Variants in UROS observed in about 807,000 individuals in gnomAD.
UROS encodes the protein uroporphyrinogen III synthase, also known as uroporphyrinogen-III synthase.
Under a neutral mutation model 33.0 loss-of-function variants are expected in UROS, and 18 were observed. The ratio of observed to expected loss-of-function variants is 0.55; its 90% CI spans 0.38 to 0.81. The LOEUF (loss-of-function observed/expected upper bound fraction) is 0.81. UROS is among the 30% of genes least tolerant of loss of function. The pLI, the probability that UROS is intolerant of heterozygous loss-of-function variation, is 0.00. For missense variants in UROS, 293 were observed against 314.9 expected (o/e 0.93, Z 0.53); for synonymous variants, 114 against 121.1 (o/e 0.94, Z 0.38).
At position 125,816,123 on chromosome 10, in the gene UROS, C is replaced by T. The variant is rs373456716; in HGVS notation, c.147+54G>A. The T allele has an allele frequency of 1.4e-5, 21 of 1,527,586 alleles. No homozygotes were observed. In the African/African-American group the frequency reaches 2.2e-4, roughly 16 times the overall value. 94.6% of individuals were successfully genotyped at this position (1,527,586 alleles called of 1,614,324 possible). The stretch of plus-strand genomic sequence containing the variant: ...TAAAATAGTCCCTCTCTGGCTTCAG[C>T]TGGCAAGGGAGAAATCAAACACTAA... On this transcript the variant is annotated intron_variant, in intron 3 of 9. Transcript: ENST00000368797.
intron 5 of UROS, among the ~76,000 whole-genome samples, chr10:125,809,835 G>C (rs1852642673): frequency 2.0e-5 from 3 of 152,080 alleles, no homozygotes; most frequent in Admixed American, 6.6e-5. Flanking sequence ...AAAGTGTTAG[G>C]ATTACAGGTG....
chr10:125,794,785 T>C lies in UROS; in HGVS notation c.660+95A>G, dbSNP rs936911118. 5.9e-6 allele frequency: 7 copies of C among 1,193,102 alleles called. No individual in the cohort carries two copies. The African/African-American group carries it at 6.2e-5, about 11-fold the overall frequency. 73.9% of individuals were successfully genotyped at this position (1,193,102 alleles called of 1,614,324 possible). ...TCTAAGGCACCTGCTAGGCCAGGGG[T>C]GTCTCACTTGACATTGAAGCCCTAG... On this transcript the variant is annotated intron_variant, in intron 9 of 9. Transcript: ENST00000368797.
chr10:125,789,202 C>G (rs908891212), intron 9 of UROS, 197 bp from the exon 10 acceptor site: 52 of 1,439,170 alleles, frequency 3.6e-5, no homozygotes, highest in Non-Finnish European at 4.7e-5. Flanking sequence ...CATCCACGCT[C>G]TCATCAGTCT....
intron 6 of UROS, chr10:125,801,980 T>G: frequency 1.0e-6 from 1 of 980,662 alleles, no homozygotes; most frequent in Non-Finnish European, 1.2e-6. Flanking sequence ...GAGCCACCTA[T>G]TCTATTAAAG....
intron 6 of UROS, 114 bp downstream of exon 6, chr10:125,807,299 C>G: frequency 1.1e-6 from 1 of 921,324 alleles, no homozygotes; most frequent in Non-Finnish European, 1.7e-6. Flanking sequence ...ACGATGCTCA[C>G]CAATCAATCT....
At chr10:125,819,629 G>A (rs758237532) in intron 1 of UROS, 11 of 152,356 alleles carry the variant, frequency 7.2e-5, no homozygotes, top group Non-Finnish European at 1.6e-4. Context: ...GCTCATGGGA[G>A]TGGGAAGGAC....
At chr10:125,819,322 T>C (rs1334798454) in intron 1 of UROS, among the ~76,000 whole-genome samples, 2 of 152,206 alleles carry the variant, frequency 1.3e-5, no homozygotes, top group Non-Finnish European at 2.9e-5. Context: ...GCTCTGAAGC[T>C]TGCCTCGGTC....
At position 125,820,066 on chromosome 10, in the gene UROS, T is replaced by C. The variant is rs149901632; in HGVS notation, c.-27+2963A>G. Among the ~76,000 whole-genome samples, 258 of 152,324 alleles carry C rather than the reference T, an allele frequency of 1.7e-3. 1 individual carries two copies. The highest frequency in any genetic ancestry group is 5.8e-3 in the African/African-American group (241 of 41,572). ...ACCTTCTATGTCATGGTGTTCTGGGTATCAGCAATAACAACAGTCACCCTT... is the reference window on the plus strand; with the variant it reads ...ACCTTCTATGTCATGGTGTTCTGGGCATCAGCAATAACAACAGTCACCCTT... On this transcript the variant is annotated intron_variant, in intron 1 of 9. Coordinates refer to ENST00000368797, the MANE Select transcript of UROS (RefSeq NM_000375.3).
Position 125,788,873 on chromosome 10 carries a change from A to T in UROS, c.793T>A (p.Cys265Ser), listed in dbSNP as rs746778068. Residue 265 changes from cysteine (C) to serine (S), a missense_variant, in exon 10 of 10, where the codon TGC becomes AGC. Cys to Ser is a moderately radical substitution (Grantham distance 112, BLOSUM62 -1). Transcript: ENST00000368797. ...GCCAGCGCTAGGTGGCTGACTCAGC[A>T]GCAGCCATGGGGCTGGAGAGCCTTC... ...IRKALQPHGC[C>S] 1 of 1,588,532 alleles carries T rather than the reference A, an allele frequency of 6.3e-7. No individual in the cohort carries two copies. Among genetic ancestry groups the T allele is most frequent in the South Asian group, 1.1e-5 (1 of 87,260 alleles).
At chr10:125,809,842 G>A (rs1361701881) in intron 5 of UROS, among the ~76,000 whole-genome samples, 1 of 152,138 alleles carries the variant, frequency 6.6e-6, no homozygotes, top group Non-Finnish European at 1.5e-5. Flanking sequence ...TAGGATTACA[G>A]GTGTGAGCCA....
rs142834767 is a variant in UROS, at chr10:125,788,915, G to C, written c.751C>G (p.Leu251Val). The change falls in exon 10 of 10, where the codon CTG becomes GTG. Residue 251 changes from leucine (L) to valine (V), a missense_variant. Transcript: ENST00000368797. ...AGAGCCTTCCTGATGCCAGTGGCCAGGGCTTGTGGCGTGGGGCTCTCTGCA... is the reference window on the plus strand; with the variant it reads ...AGAGCCTTCCTGATGCCAGTGGCCACGGCTTGTGGCGTGGGGCTCTCTGCA... ...CTAESPTPQALATGIRKALQP... is the reference protein window; with the variant it reads ...CTAESPTPQAVATGIRKALQP... 145 of 1,607,812 alleles carry C rather than the reference G, an allele frequency of 9.0e-5. No individual in the cohort carries two copies. In the African/African-American group the frequency reaches 1.7e-3, roughly 19 times the overall value.
intron 7 of UROS, 114 bp downstream of exon 7, chr10:125,797,951 A>G (rs1330570612): frequency 1.5e-6 from 2 of 1,293,322 alleles, no homozygotes; most frequent in African/African-American, 2.9e-5. Flanking sequence ...GGCTTATCCA[A>G]CCCAGCCCTG....
Position 125,798,134 on chromosome 10 carries a change from C to T in UROS, c.406G>A (p.Ala136Thr). ...AEYICSRESS[A>T]LPLLFPCGNL... Reference sequence around the variant, plus strand: ...CCACAGGGAAATAGAAGAGGCAGTGCTGAGGACTCCCCTGTGAATAAATAA... The same window carrying T: ...CCACAGGGAAATAGAAGAGGCAGTGTTGAGGACTCCCCTGTGAATAAATAA... Residue 136 changes from alanine to threonine, a missense_variant, in exon 7 of 10, where the codon GCA becomes ACA. By Grantham distance (58) the Ala-to-Thr change is moderately conservative. Coordinates refer to ENST00000368797, the MANE Select transcript of UROS (RefSeq NM_000375.3). 6.2e-7 allele frequency: 1 copy of T among 1,613,912 alleles called. No individual in the cohort carries two copies. The highest frequency in any genetic ancestry group is 8.5e-7 in the Non-Finnish European group (1 of 1,179,810).
intron 9 of UROS, chr10:125,789,251 C>A: frequency 7.0e-7 from 1 of 1,421,506 alleles, no homozygotes; most frequent in Non-Finnish European, 9.2e-7. Context: ...AGGTGAGGGG[C>A]AGGGACTTGA....
chr10:125,816,909 C>T (rs1853379820), intron 1 of UROS, among the ~76,000 whole-genome samples: 1 of 152,196 alleles, frequency 6.6e-6, no homozygotes, highest in Non-Finnish European at 1.5e-5. Flanking sequence ...GATAAATATG[C>T]TAAGTAGCTC....
Position 125,815,123 on chromosome 10 carries a change from T to A in UROS, c.155A>T (p.His52Leu). 1.2e-6 allele frequency: 2 copies of A among 1,614,158 alleles called. No homozygotes were observed. The highest frequency in any genetic ancestry group is 1.1e-5 in the South Asian group (1 of 91,082). The part of the protein sequence containing the change: ...SLPSFSEKLS[H>L]PEDYGGLIFT... ...AATGAGTCCCCCGTAATCTTCAGGA[T>A]GAGAAAGCTGCACACCAAAAAGCAA... The change falls in exon 4 of 10, where the codon CAT becomes CTT. Residue 52 changes from histidine to leucine, a missense_variant. His to Leu is a moderately conservative substitution (Grantham distance 99). Transcript: ENST00000368797.
intron 6 of UROS, among the ~76,000 whole-genome samples, chr10:125,801,461 C>T (rs770034863): frequency 1.3e-5 from 2 of 152,130 alleles, no homozygotes; most frequent in Non-Finnish European, 2.9e-5. Context: ...TAAGTGTTAA[C>T]TAAAATAAAT....
Position 125,801,059 on chromosome 10 carries a change from TAAC to T in UROS, c.395-2917_395-2915del, listed in dbSNP as rs1462635190. Among the ~76,000 whole-genome samples, 4 of 152,184 alleles carry T rather than the reference TAAC, an allele frequency of 2.6e-5. No individual in the cohort carries two copies. In the East Asian group the frequency reaches 7.7e-4, roughly 29 times the overall value. On this transcript the variant is annotated intron_variant, in intron 6 of 9. Transcript: ENST00000368797. ...GGACGTGCACACATCTGTAGAACAGTAACAACTTCCAAGTTAACAATGACTTCC... is the reference window on the plus strand; with the variant it reads ...GGACGTGCACACATCTGTAGAACAGTAACTTCCAAGTTAACAATGACTTCC...
At chr10:125,822,698 T>G (rs1301347727) in intron 1 of UROS, among the ~76,000 whole-genome samples, 1 of 152,184 alleles carries the variant, frequency 6.6e-6, no homozygotes, top group Non-Finnish European at 1.5e-5. Flanking sequence ...CCTCTGGTGA[T>G]CCACCCGCTT....
Sources: gnomAD v4.1 joint callset for allele counts (sites outside exome capture counted in the v4.1 genomes callset) on GRCh38, gnomAD v4.1.1 for gene constraint, MANE v1.5 for transcripts, NCBI Gene and HGNC (gene_info 2026-07-23, HGNC 2026-07-21) for gene names.